Variants in AGO4 observed in about 807,000 individuals in gnomAD.
The protein encoded by AGO4 is protein argonaute-4.
In AGO4, 33 loss-of-function variants were observed where a neutral mutation model predicts 104.7. The observed-to-expected ratio is 0.32, with a 90% CI of 0.24 to 0.42. The LOEUF (loss-of-function observed/expected upper bound fraction) is 0.42, where lower values mean the gene tolerates loss of function less well. AGO4 is among the 10% of genes least tolerant of loss of function. The pLI, the probability that AGO4 is intolerant of heterozygous loss-of-function variation, is 1.00. For missense variants in AGO4, 711 were observed against 1,083.4 expected (o/e 0.66, Z 4.83); for synonymous variants, 331 against 364.7 (o/e 0.91, Z 1.05).
intron 9 of AGO4, 56 bp downstream of exon 9, chr1:35,831,987 G>T (rs1045532229): frequency 1.9e-6 from 3 of 1,606,016 alleles, no homozygotes; most frequent in Non-Finnish European, 2.5e-6. Context: ...AAAAACAAAA[G>T]AATAGAAAAC....
At chr1:35,814,030 G>A (rs571128017) in intron 1 of AGO4, among the ~76,000 whole-genome samples, 73 of 149,114 alleles carry the variant, frequency 4.9e-4, no homozygotes, top group South Asian at 3.2e-3. Context: ...AGCCGAGATC[G>A]CACCACTGCC....
intron 1 of AGO4, among the ~76,000 whole-genome samples, chr1:35,815,210 C>T (rs540201054): frequency 4.6e-5 from 7 of 152,254 alleles, no homozygotes; most frequent in Non-Finnish European, 8.8e-5. Flanking sequence ...GTTTTCTCTC[C>T]TTAGTGAAGT....
At chr1:35,850,075 C>T (rs1000215285) in intron 15 of AGO4, 82 bp from the exon 16 acceptor site, 2 of 850,532 alleles carry the variant, frequency 2.4e-6, no homozygotes, top group South Asian at 1.7e-5. Context: ...CAACTTGCTC[C>T]CAATTAACAC....
At chr1:35,850,057 A>G (rs1024710305) in intron 15 of AGO4, 100 bp from the exon 16 acceptor site, 13 of 712,258 alleles carry the variant, frequency 1.8e-5, no homozygotes, top group Non-Finnish European at 2.6e-5. Flanking sequence ...GACTTAAGAG[A>G]CATTTACCAA....
intron 13 of AGO4, among the ~76,000 whole-genome samples, chr1:35,837,887 G>GT (rs1165824543): frequency 6.6e-6 from 1 of 151,492 alleles, no homozygotes; most frequent in South Asian, 2.1e-4. Flanking sequence ...TGGGTTTTCT[G>GT]TTTTTTTCTT....
chr1:35,844,629 C>T (rs926492565), intron 15 of AGO4, among the ~76,000 whole-genome samples: 9 of 152,302 alleles, frequency 5.9e-5, no homozygotes, highest in African/African-American at 2.2e-4. Context: ...TCTCCTTCCT[C>T]GTATCTCTCC....
chr1:35,829,235 C>T (rs980622926), intron 7 of AGO4, among the ~76,000 whole-genome samples: 2 of 150,882 alleles, frequency 1.3e-5, no homozygotes, highest in African/African-American at 4.9e-5. Context: ...CATGTACACA[C>T]TACATGAATT....
At position 35,832,431 on chromosome 1, in the gene AGO4, TCA is replaced by T; in HGVS notation, c.1246-5_1246-4del. Reference sequence around the variant, plus strand: ...CTTCTTCTTCTTCTTTTTTTTTTTTTCAAAGAATAAAACAGTAGCCACACCCA... The same window carrying T: ...CTTCTTCTTCTTCTTTTTTTTTTTTTAAGAATAAAACAGTAGCCACACCCA... On this transcript the variant is annotated splice_region_variant and splice_polypyrimidine_tract_variant and intron_variant, in intron 10 of 17. Coordinates refer to ENST00000373210, the MANE Select transcript of AGO4 (RefSeq NM_017629.4). 1 of 1,558,778 alleles carries T rather than the reference TCA, an allele frequency of 6.4e-7. No individual in the cohort carries two copies. The highest frequency in any genetic ancestry group is 8.6e-7 in the Non-Finnish European group (1 of 1,160,716).
Position 35,850,181 on chromosome 1 carries a change from G to C in AGO4, c.2200G>C (p.Ala734Pro). 1 of 1,593,360 alleles carries C rather than the reference G, an allele frequency of 6.3e-7. No homozygotes were observed. The highest frequency in any genetic ancestry group is 2.3e-5 in the East Asian group (1 of 43,538). Reference sequence around the variant, plus strand: ...GGTAGGGAAAAGTGGCAATGTACCAGCAGGCACTACAGTGGATAGTACCAT... The same window carrying C: ...GGTAGGGAAAAGTGGCAATGTACCACCAGGCACTACAGTGGATAGTACCAT... ...ERVGKSGNVPAGTTVDSTITH... is the reference protein window; with the variant it reads ...ERVGKSGNVPPGTTVDSTITH... The change falls in exon 16 of 18, where the codon GCA becomes CCA. Residue 734 changes from alanine to proline, a missense_variant. By Grantham distance (27) the Ala-to-Pro change is conservative (BLOSUM62 -1). Around this residue, in one of 3 missense-constraint regions of AGO4, gnomAD observed 401 missense variants for 665.5 expected, o/e 0.60. Coordinates refer to ENST00000373210, the MANE Select transcript of AGO4 (RefSeq NM_017629.4).
chr1:35,820,115 G>C (rs1643860965), intron 2 of AGO4, among the ~76,000 whole-genome samples: 1 of 152,188 alleles, frequency 6.6e-6, no homozygotes, highest in East Asian at 1.9e-4. Flanking sequence ...GGAAGAAGAT[G>C]TTTTAAGTTG....
chr1:35,816,287 A>G (rs971611311), intron 1 of AGO4, among the ~76,000 whole-genome samples: 1 of 151,962 alleles, frequency 6.6e-6, no homozygotes, highest in Non-Finnish European at 1.5e-5. Context: ...ACTAATGCTC[A>G]TGCAAGATTT....
rs1644619254 is a variant in AGO4, at chr1:35,848,238, T to G, written c.2176-1919T>G. Among the ~76,000 whole-genome samples the G allele has an allele frequency of 1.3e-5, 2 of 152,208 alleles. 1 individual carries two copies. Among genetic ancestry groups the G allele is most frequent in the South Asian group, 4.1e-4 (2 of 4,832 alleles). ...GTGTATATATCAGTAATTTGCCCCT[T>G]TTTATTGTGAGTGGTATTTCATAAT... On this transcript the variant is annotated intron_variant, in intron 15 of 17. Transcript: ENST00000373210.
rs200742246 is a variant in AGO4 at position 35,845,211 on chromosome 1, TTG to T, written c.2175+3462_2175+3463del. ...TGTAATCAGACTTTTTTTTTTTTTT[TTG>T]AAATGGAGTTTCTGTAATCAGGCTT... On this transcript the variant is annotated intron_variant, in intron 15 of 17. Transcript: ENST00000373210. 2.8e-4 allele frequency among the ~76,000 whole-genome samples: 25 copies of T among 88,788 alleles called. 6 individuals are homozygous for T. Among genetic ancestry groups the T allele is most frequent in the South Asian group, 9.8e-4 (2 of 2,044 alleles). The allele number at this position is 88,788 out of a possible 152,430, so 58.2% of individuals were successfully genotyped here.
At chr1:35,839,350 T>C (rs1644385923) in intron 13 of AGO4, among the ~76,000 whole-genome samples, 1 of 152,150 alleles carries the variant, frequency 6.6e-6, no homozygotes, top group South Asian at 2.1e-4. Flanking sequence ...CTAAAGTCTG[T>C]CTTCATTTAA....
chr1:35,828,457 TA>T (rs2148664083), intron 7 of AGO4, among the ~76,000 whole-genome samples: 1 of 152,276 alleles, frequency 6.6e-6, no homozygotes. Flanking sequence ...TGTTGGTGTC[TA>T]TGGCATCCTC....
At chr1:35,835,738 TA>T (rs1299633184) in intron 12 of AGO4, 95 bp from the exon 13 acceptor site, 6 of 1,042,742 alleles carry the variant, frequency 5.8e-6, no homozygotes, top group Non-Finnish European at 5.5e-6. Flanking sequence ...CAGTATATAG[TA>T]GGTTATAAAG....
At chr1:35,817,692 G>A (rs139715793) in intron 2 of AGO4, among the ~76,000 whole-genome samples, 106 of 152,192 alleles carry the variant, frequency 7.0e-4, no homozygotes, top group African/African-American at 2.4e-3. Context: ...TGACATTCAG[G>A]CAATATTTGA....
At chr1:35,851,189 C>A in intron 17 of AGO4, 136 bp downstream of exon 17, 1 of 824,118 alleles carries the variant, frequency 1.2e-6, no homozygotes, top group Non-Finnish European at 1.9e-6. Flanking sequence ...ATTGCATGTG[C>A]CTCTGAGAGC....
At chr1:35,850,346 A>G in intron 16 of AGO4, 88 bp downstream of exon 16, 1 of 983,796 alleles carries the variant, frequency 1.0e-6, no homozygotes, top group South Asian at 1.3e-5. Flanking sequence ...GTTATTTAAC[A>G]CCGTGCCTAA....
Sources: allele counts gnomAD v4.1 joint callset (sites outside exome capture counted in the v4.1 genomes callset), GRCh38; gene constraint gnomAD v4.1.1; regional missense constraint gnomAD v4.1.1; transcripts MANE v1.5; gene names NCBI Gene and HGNC (gene_info 2026-07-23, HGNC 2026-07-21).